FMNL2: variants seen among roughly 807,000 people sequenced by gnomAD.
FMNL2 encodes the protein formin like 2, also known as formin-like protein 2.
A neutral mutation model predicts 130.2 loss-of-function variants in FMNL2; 51 were observed. That is an observed-to-expected ratio of 0.39 (90% CI 0.31 to 0.49). The LOEUF (loss-of-function observed/expected upper bound fraction) is 0.49. Among genes scored for constraint, FMNL2 ranks in the 20% least tolerant of loss-of-function variants. The pLI, the probability that FMNL2 is intolerant of heterozygous loss-of-function variation, is 0.85. For synonymous variants in FMNL2, 465 were observed against 467.1 expected (o/e 1.00, Z 0.06); for missense variants, 977 against 1,316.2 (o/e 0.74, Z 3.99).
chr2:152,393,296 A>G (rs1363356289), intron 1 of FMNL2, among the ~76,000 whole-genome samples: 1 of 152,196 alleles, frequency 6.6e-6, no homozygotes, highest in Non-Finnish European at 1.5e-5. Flanking sequence ...ACTTAGAAAC[A>G]ACACCCATGA....
intron 1 of FMNL2, among the ~76,000 whole-genome samples, chr2:152,429,813 C>T (rs767975373): frequency 6.6e-6 from 1 of 152,140 alleles, no homozygotes; most frequent in East Asian, 1.9e-4. Flanking sequence ...ACTAAGCAGT[C>T]GAAATTTCTG....
chr2:152,424,982 T>C (rs746097362), intron 1 of FMNL2, among the ~76,000 whole-genome samples: 10 of 152,248 alleles, frequency 6.6e-5, no homozygotes, highest in Non-Finnish European at 1.2e-4. Flanking sequence ...TGTTGTTAAT[T>C]CACTTTTAAC....
intron 1 of FMNL2, among the ~76,000 whole-genome samples, chr2:152,468,274 G>A (rs1386612285): frequency 6.6e-6 from 1 of 152,156 alleles, no homozygotes; most frequent in Non-Finnish European, 1.5e-5. Context: ...TATAGATCTA[G>A]GGCTGTGCCG....
At chr2:152,389,077 C>T (rs779494374) in intron 1 of FMNL2, among the ~76,000 whole-genome samples, 6 of 151,132 alleles carry the variant, frequency 4.0e-5, no homozygotes, top group Non-Finnish European at 7.4e-5. Context: ...TTGGACTTAA[C>T]AGGGAGGGTG....
At chr2:152,625,293 T>G in intron 15 of FMNL2, 145 bp from the exon 16 acceptor site, 1 of 897,968 alleles carries the variant, frequency 1.1e-6, no homozygotes. Context: ...GTGTGTTGTT[T>G]TCCAGCTTTA....
chr2:152,580,359 A>G (rs1156598372), intron 8 of FMNL2, among the ~76,000 whole-genome samples: 2 of 152,216 alleles, frequency 1.3e-5, no homozygotes, highest in Non-Finnish European at 2.9e-5. Context: ...TTCTTGAGTC[A>G]AAGAAAATAT....
Position 152,636,519 on chromosome 2 carries a change from C to A in FMNL2, c.2773C>A (p.Leu925Met). ...REYTMHDHNTLLKEFILNNEG... is the reference protein window; with the variant it reads ...REYTMHDHNTMLKEFILNNEG... ...GTACACCATGCATGACCATAACACG[C>A]TGCTGAAGGAGTTCATCCTCAACAA... is the stretch of plus-strand genomic sequence containing the variant. The change falls in exon 22 of 26, where the codon CTG (leucine) becomes ATG (methionine). Residue 925 changes from leucine (L) to methionine (M), a missense_variant. Physicochemically the swap from Leu to Met is conservative, Grantham distance 15. This residue lies in a region of FMNL2 where 689 missense variants were observed against 995.9 expected (regional missense o/e 0.69). Transcript: ENST00000288670. 6.2e-7 allele frequency: 1 copy of A among 1,601,944 alleles called. No individual in the cohort carries two copies. The highest frequency in any genetic ancestry group is 8.5e-7 in the Non-Finnish European group (1 of 1,173,610).
At position 152,605,828 on chromosome 2, in the gene FMNL2, C is replaced by G. The variant is rs577655815; in HGVS notation, c.877-1511C>G. 2.0e-5 allele frequency among the ~76,000 whole-genome samples: 3 copies of G among 152,256 alleles called. No individual in the cohort carries two copies. The South Asian group carries it at 6.2e-4, about 32-fold the overall frequency. On this transcript the variant is annotated intron_variant, in intron 9 of 25. Transcript: ENST00000288670. ...CTGAAGGCTGTTCACTTTAACGTTC[C>G]CAGCGTATGGTTTAGAGATGGCCAC...
chr2:152,425,074 C>A (rs1027756978), intron 1 of FMNL2, among the ~76,000 whole-genome samples: 3 of 152,170 alleles, frequency 2.0e-5, no homozygotes, highest in Non-Finnish European at 2.9e-5. Flanking sequence ...CCTTCAAAAT[C>A]AACCTGCTTA....
At chr2:152,385,166 T>G (rs939285007) in intron 1 of FMNL2, among the ~76,000 whole-genome samples, 14 of 152,238 alleles carry the variant, frequency 9.2e-5, no homozygotes, top group Admixed American at 2.0e-4. Context: ...ACAGTGACCC[T>G]TGAACCATGA....
intron 1 of FMNL2, among the ~76,000 whole-genome samples, chr2:152,473,116 A>G (rs1292001680): frequency 1.3e-5 from 2 of 152,226 alleles, no homozygotes; most frequent in African/African-American, 4.8e-5. Flanking sequence ...TTCTATATGG[A>G]AAAGAAATAC....
intron 1 of FMNL2, among the ~76,000 whole-genome samples, chr2:152,381,821 T>TTC (rs1684481863): frequency 6.6e-6 from 1 of 151,848 alleles, no homozygotes; most frequent in South Asian, 2.1e-4. Flanking sequence ...TTTTTTTTTT[T>TTC]TCTTTTTGAG....
chr2:152,511,998 A>G (rs1692518428), intron 1 of FMNL2, among the ~76,000 whole-genome samples: 1 of 152,194 alleles, frequency 6.6e-6, no homozygotes, highest in African/African-American at 2.4e-5. Flanking sequence ...GAATAAGAAC[A>G]CTTTCTCTGG....
chr2:152,335,463 C>T lies in FMNL2; in HGVS notation c.-141C>T. On this transcript the variant is annotated 5_prime_UTR_variant, in exon 1 of 26. Transcript: ENST00000288670. ...CGCTGCTAGGGAGCGGTGCGCGCCG[C>T]ACACCCGCCTGGGCGCGGCGGAGGG... is the stretch of plus-strand genomic sequence containing the variant. The T allele has an allele frequency of 2.1e-6, 1 of 473,006 alleles. No homozygotes were observed. The highest frequency in any genetic ancestry group is 4.4e-5 in the East Asian group (1 of 22,596). The allele number at this position is 473,006 out of a possible 1,614,324, so 29.3% of individuals were successfully genotyped here.
chr2:152,404,876 T>A (rs934477041), intron 1 of FMNL2, among the ~76,000 whole-genome samples: 5 of 152,186 alleles, frequency 3.3e-5, no homozygotes, highest in African/African-American at 1.2e-4. Flanking sequence ...CATTGTGTGT[T>A]GATGTCTATC....
At chr2:152,441,830 G>T (rs915654317) in intron 1 of FMNL2, among the ~76,000 whole-genome samples, 1 of 114,816 alleles carries the variant, frequency 8.7e-6, no homozygotes. Flanking sequence ...GCGACACTCC[G>T]TCTCAAAAAA....
chr2:152,640,651 C>T (rs1048920536), intron 24 of FMNL2, 140 bp from the exon 25 acceptor site: 4 of 1,066,832 alleles, frequency 3.7e-6, no homozygotes, highest in Non-Finnish European at 5.2e-6. Context: ...GAGTTCTCTG[C>T]AACTGAGCAG....
At chr2:152,388,076 A>G (rs1021559450) in intron 1 of FMNL2, among the ~76,000 whole-genome samples, 9 of 152,340 alleles carry the variant, frequency 5.9e-5, no homozygotes, top group African/African-American at 2.2e-4. Context: ...TTAGATGACA[A>G]AGATTCTTAG....
At chr2:152,430,865 T>A (rs1687456365) in intron 1 of FMNL2, among the ~76,000 whole-genome samples, 1 of 151,366 alleles carries the variant, frequency 6.6e-6, no homozygotes, top group African/African-American at 2.4e-5. Context: ...AGAGTGAGAC[T>A]TGGTCTCGAA....
Sources: allele counts gnomAD v4.1 joint callset (sites outside exome capture counted in the v4.1 genomes callset), GRCh38; gene constraint gnomAD v4.1.1; regional missense constraint gnomAD v4.1.1; transcripts MANE v1.5; gene names NCBI Gene and HGNC (gene_info 2026-07-23, HGNC 2026-07-21).